The following TP73 variants were observed in gnomAD, a reference collection of about 807,000 sequenced individuals.
TP73 encodes the protein p53-like transcription factor.
In TP73, 25 loss-of-function variants were observed where a neutral mutation model predicts 62.5. That is an observed-to-expected ratio of 0.40 (90% CI 0.29 to 0.56). The LOEUF is 0.56. TP73 is among the 20% of genes least tolerant of loss of function. TP73 has a pLI of 0.46. For missense variants in TP73, 754 were observed against 913.3 expected, an observed-to-expected ratio of 0.83 and a Z score of 2.25; for synonymous variants, 423 against 377.5, an observed-to-expected ratio of 1.12 and a Z score of -1.40.
chr1:3,728,044 G>A (rs949023320), intron 8 of TP73, 85 bp from the exon 9 acceptor site: 2 of 1,386,958 alleles, frequency 1.4e-6, no homozygotes, highest in East Asian at 2.3e-5. Context: ...GGCCCCAAGG[G>A]TGGGGCAGGT....
In TP73 at chr1:3,727,623, G is replaced by A. The variant is rs1313738651; in HGVS notation, c.843-5G>A. On this transcript the variant is annotated splice_polypyrimidine_tract_variant and splice_region_variant and intron_variant, in intron 7 of 13. Transcript: ENST00000378295. ...CTCACAATTCTGGCTGTGCCCACCC[G>A]ACAGTGGGCAGGTGCTGGGCCGCCG... 32 of 1,595,976 alleles carry A rather than the reference G, an allele frequency of 2.0e-5. No individual in the cohort carries two copies. Among genetic ancestry groups the A allele is most frequent in the Non-Finnish European group, 2.4e-5 (28 of 1,174,660 alleles).
intron 4 of TP73, among the ~76,000 whole-genome samples, chr1:3,709,613 C>A (rs576469268): frequency 7.9e-5 from 12 of 152,340 alleles, no homozygotes; most frequent in Admixed American, 2.0e-4. Context: ...GGTCTGAAGC[C>A]AGGTCAGAAA....
chr1:3,703,204 C>G (rs985442883), intron 3 of TP73, among the ~76,000 whole-genome samples: 1 of 152,226 alleles, frequency 6.6e-6, no homozygotes, highest in South Asian at 2.1e-4. Context: ...TGACCACAGG[C>G]AGGGCCAGCG....
At chr1:3,677,565 A>G (rs1645401002) in intron 1 of TP73, among the ~76,000 whole-genome samples, 1 of 152,100 alleles carries the variant, frequency 6.6e-6, no homozygotes, top group African/African-American at 2.4e-5. Context: ...GCCGGCCAGC[A>G]GCTCCCCAAT....
intron 1 of TP73, among the ~76,000 whole-genome samples, chr1:3,668,252 C>G (rs1049175031): frequency 5.9e-5 from 9 of 152,174 alleles, no homozygotes; most frequent in African/African-American, 2.2e-4. Flanking sequence ...AGTCACCCGG[C>G]TGCGATGAGG....
chr1:3,729,693 C>A, intron 10 of TP73: 1 of 814,940 alleles, frequency 1.2e-6, no homozygotes, highest in Non-Finnish European at 2.1e-6. Flanking sequence ...TTGTAAATGT[C>A]TGCTGAGTGG....
chr1:3,691,051 A>T (rs1645810290), intron 3 of TP73: 1 of 1,483,626 alleles, frequency 6.7e-7, no homozygotes, highest in Admixed American at 2.0e-5. Context: ...CCTGGCCTGG[A>T]GTCTGCTGCC....
chr1:3,720,454 A>G (rs935420992), intron 4 of TP73, among the ~76,000 whole-genome samples: 10 of 152,166 alleles, frequency 6.6e-5, no homozygotes, highest in Admixed American at 5.2e-4. Context: ...GAGGCCACTG[A>G]AGGACCCCCT....
chr1:3,726,806 TGGG>T (rs1447216274), intron 6 of TP73, among the ~76,000 whole-genome samples: 1 of 131,182 alleles, frequency 7.6e-6, no homozygotes, highest in Non-Finnish European at 1.6e-5. Context: ...AGATAATAAA[TGGG>T]GGAGTGGATG....
chr1:3,682,686 C>T (rs1645553333), intron 2 of TP73, among the ~76,000 whole-genome samples: 1 of 152,248 alleles, frequency 6.6e-6, no homozygotes, highest in Admixed American at 6.5e-5. Flanking sequence ...TAGTCTTGGG[C>T]TAGCCTTAGC....
rs1033178092 is a variant in TP73 at position 3,727,432 on chromosome 1, C to T, written c.843-196C>T. 232 of 961,062 alleles carry T rather than the reference C, an allele frequency of 2.4e-4. 2 individuals are homozygous for T. The highest frequency in any genetic ancestry group is 1.2e-3 in the South Asian group (73 of 58,700). The allele number at this position is 961,062 out of a possible 1,614,324, so 59.5% of individuals were successfully genotyped here. A position where few individuals can be genotyped will look rare whatever the true frequency, so the allele number is the denominator to read the frequency against. Reference sequence around the variant, plus strand: ...TCCGGAGGGAGGTGGGAGTCCCCGGCGAGGTCTCAGGGCAGCCTCACAGCT... The same window carrying T: ...TCCGGAGGGAGGTGGGAGTCCCCGGTGAGGTCTCAGGGCAGCCTCACAGCT... On this transcript the variant is annotated intron_variant, in intron 7 of 13. Transcript: ENST00000378295.
At chr1:3,673,329 C>A (rs757032476) in intron 1 of TP73, among the ~76,000 whole-genome samples, 1 of 152,194 alleles carries the variant, frequency 6.6e-6, no homozygotes, top group African/African-American at 2.4e-5. Flanking sequence ...CAGCCTGGTG[C>A]CTTTGGGACC....
At chr1:3,707,966 T>G in intron 4 of TP73, 175 bp downstream of exon 4, 1 of 1,070,668 alleles carries the variant, frequency 9.3e-7, no homozygotes, top group Non-Finnish European at 1.3e-6. Context: ...GGCCGGGCAG[T>G]CTGGGTGTGC....
intron 5 of TP73, among the ~76,000 whole-genome samples, chr1:3,722,591 G>C (rs1421915458): frequency 6.6e-6 from 1 of 152,214 alleles, no homozygotes; most frequent in Non-Finnish European, 1.5e-5. Flanking sequence ...GCTGCCAGCT[G>C]GCCTGAGCCT....
intron 4 of TP73, among the ~76,000 whole-genome samples, chr1:3,709,093 C>T (rs1378018587): frequency 6.6e-6 from 1 of 152,242 alleles, no homozygotes; most frequent in East Asian, 1.9e-4. Context: ...CTGTCAGGCT[C>T]TGCAGGTAGC....
rs1248181369 is a variant in TP73 at position 3,707,728 on chromosome 1, C to T, written c.366C>T (p.Pro122=). The T allele has an allele frequency of 7.4e-6, 12 of 1,613,172 alleles. No individual in the cohort carries two copies. The highest frequency in any genetic ancestry group is 2.7e-5 in the African/African-American group (2 of 74,926). ...TCATCCCCTCCAACACCGACTACCC[C>T]GGACCCCACCACTTTGAGGTCACTT... ...APVIPSNTDY[P]GPHHFEVTFQ... Residue 122 remains proline, a synonymous_variant, in exon 4 of 14, where the codon CCC becomes CCT. Transcript: ENST00000378295.
chr1:3,666,275 G>A lies in TP73; in HGVS notation c.-34+13634G>A, dbSNP rs1645112319. 6.6e-6 allele frequency among the ~76,000 whole-genome samples: 1 copy of A among 152,146 alleles called. No individual in the cohort carries two copies. Among genetic ancestry groups the A allele is most frequent in the Non-Finnish European group, 1.5e-5 (1 of 68,018 alleles). On this transcript the variant is annotated intron_variant, in intron 1 of 13. Coordinates refer to ENST00000378295, the MANE Select transcript of TP73 (RefSeq NM_005427.4). The surrounding 1 kb of genome is among the most constrained non-coding windows in gnomAD (Gnocchi z 6.4). ...CCTCTTGCCTGTGTCCTGAGTAGCT[G>A]TGACCATAGACACACACCACCACAT...
chr1:3,725,000 C>CAG (rs956447236), intron 6 of TP73, among the ~76,000 whole-genome samples: 1 of 149,498 alleles, frequency 6.7e-6, no homozygotes, highest in African/African-American at 2.5e-5. Context: ...GCCTGGGGGA[C>CAG]AGAGAGAGAC....
At chr1:3,715,535 G>C (rs1640520594) in intron 4 of TP73, among the ~76,000 whole-genome samples, 1 of 152,008 alleles carries the variant, frequency 6.6e-6, no homozygotes, top group African/African-American at 2.4e-5. Context: ...TAAACGGAGT[G>C]ACAGTGCCTG....
Sources: allele counts gnomAD v4.1 joint callset (sites outside exome capture counted in the v4.1 genomes callset), GRCh38; gene constraint gnomAD v4.1.1; non-coding constraint Gnocchi (gnomAD v3.1); transcripts MANE v1.5; gene names NCBI Gene and HGNC (gene_info 2026-07-23, HGNC 2026-07-21).